CSMD1: variants seen among roughly 807,000 people sequenced by gnomAD.
CSMD1 encodes the protein CUB and Sushi multiple domains 1.
A neutral mutation model predicts 417.5 loss-of-function variants in CSMD1; 213 were observed. The observed-to-expected ratio is 0.51, with a 90% CI of 0.46 to 0.57. The LOEUF is 0.57. Ranked by LOEUF, CSMD1 falls within the 20% of genes least tolerant of loss-of-function variation. The pLI is 0.00. For missense variants in CSMD1, 6,923 were observed against 4,529.7 expected (o/e 1.53, Z -15.17); for synonymous variants, 2,862 against 1,736.8 (o/e 1.65, Z -16.11).
At chr8:4,654,770 T>G (rs1488585231) in intron 1 of CSMD1, among the ~76,000 whole-genome samples, 3 of 152,100 alleles carry the variant, frequency 2.0e-5, no homozygotes, top group Non-Finnish European at 4.4e-5. Flanking sequence ...TTTGGGTCCC[T>G]TCTGTGTACA....
intron 18 of CSMD1, among the ~76,000 whole-genome samples, chr8:3,378,436 G>A (rs895704994): frequency 6.6e-6 from 1 of 151,874 alleles, no homozygotes. Context: ...CCTGGCAAAG[G>A]CACAGCAAAA....
chr8:4,721,274 C>A (rs576870001), intron 1 of CSMD1, among the ~76,000 whole-genome samples: 1 of 152,190 alleles, frequency 6.6e-6, no homozygotes, highest in African/African-American at 2.4e-5. Flanking sequence ...TCATGTTTAA[C>A]ATATAGAAAG....
intron 1 of CSMD1, among the ~76,000 whole-genome samples, chr8:4,912,803 G>GA (rs954291934): frequency 6.6e-6 from 1 of 151,366 alleles, no homozygotes; most frequent in East Asian, 1.9e-4. Flanking sequence ...TTTGGAGGGG[G>GA]GGCACAGAGT....
intron 1 of CSMD1, among the ~76,000 whole-genome samples, chr8:4,655,579 T>C (rs948837729): frequency 1.3e-5 from 2 of 152,090 alleles, no homozygotes; most frequent in South Asian, 4.1e-4. Context: ...GAATTACTTA[T>C]TTTTCAAAAA....
chr8:4,339,365 A>C (rs1433821219), intron 3 of CSMD1, among the ~76,000 whole-genome samples: 1 of 152,088 alleles, frequency 6.6e-6, no homozygotes, highest in African/African-American at 2.4e-5. Flanking sequence ...TCAAATAATG[A>C]ATCTATTTTT....
chr8:4,222,896 C>G (rs112426639), intron 3 of CSMD1, among the ~76,000 whole-genome samples: 384 of 151,776 alleles, frequency 2.5e-3, no homozygotes, highest in African/African-American at 9.0e-3. Context: ...AAACTATGGG[C>G]AAGTGAAAGT....
intron 5 of CSMD1, among the ~76,000 whole-genome samples, chr8:3,844,728 G>C (rs921769729): frequency 2.0e-5 from 3 of 152,176 alleles, no homozygotes; most frequent in African/African-American, 7.2e-5. Context: ...CTGAAATACA[G>C]ATCTTCCTTG....
chr8:3,125,526 C>T (rs183423260), intron 41 of CSMD1, among the ~76,000 whole-genome samples: 1 of 152,102 alleles, frequency 6.6e-6, no homozygotes, highest in East Asian at 1.9e-4. Context: ...AAGTTACCTT[C>T]TAGGGTAAAG....
intron 18 of CSMD1, among the ~76,000 whole-genome samples, chr8:3,382,808 T>C (rs978639526): frequency 2.0e-5 from 3 of 151,896 alleles, no homozygotes; most frequent in Non-Finnish European, 4.4e-5. Context: ...TTATTTTACA[T>C]CTTTAATAGA....
At chr8:4,703,236 T>G (rs1324278021) in intron 1 of CSMD1, among the ~76,000 whole-genome samples, 1 of 152,230 alleles carries the variant, frequency 6.6e-6, no homozygotes, top group Non-Finnish European at 1.5e-5. Context: ...AACCAACGGT[T>G]CTCAACCATG....
intron 3 of CSMD1, among the ~76,000 whole-genome samples, chr8:4,077,728 G>A (rs1006470442): frequency 9.2e-5 from 14 of 152,048 alleles, no homozygotes; most frequent in African/African-American, 3.4e-4. Flanking sequence ...TCTCAAATTT[G>A]CTCTTTATTC....
At chr8:3,476,274 T>G (rs1026729346) in intron 11 of CSMD1, among the ~76,000 whole-genome samples, 24 of 152,238 alleles carry the variant, frequency 1.6e-4, no homozygotes, top group African/African-American at 5.8e-4. Flanking sequence ...ATTCCCATGT[T>G]GTTGTGTGTA....
intron 12 of CSMD1, among the ~76,000 whole-genome samples, chr8:3,424,247 C>G (rs1166426701): frequency 1.3e-5 from 2 of 152,076 alleles, no homozygotes; most frequent in African/African-American, 4.8e-5. Flanking sequence ...CACCATGATT[C>G]AATTAGAGTT....
chr8:3,328,379 T>G (rs1313987971), intron 23 of CSMD1, among the ~76,000 whole-genome samples: 1 of 152,214 alleles, frequency 6.6e-6, no homozygotes, highest in African/African-American at 2.4e-5. Context: ...TAAGTGACTT[T>G]TACAGTTTAT....
chr8:3,522,384 T>C (rs570902082), intron 10 of CSMD1, among the ~76,000 whole-genome samples: 6 of 152,336 alleles, frequency 3.9e-5, no homozygotes, highest in Non-Finnish European at 5.9e-5. Flanking sequence ...AGTATAAAAA[T>C]ATATATTGTT....
At chr8:3,514,341 CTGG>C (rs1563111280) in intron 10 of CSMD1, among the ~76,000 whole-genome samples, 1 of 152,148 alleles carries the variant, frequency 6.6e-6, no homozygotes, top group African/African-American at 2.4e-5. Context: ...GCTGATCTCC[CTGG>C]TGATGTTGTA....
At chr8:4,610,206 T>A (rs962221395) in intron 2 of CSMD1, among the ~76,000 whole-genome samples, 2 of 152,116 alleles carry the variant, frequency 1.3e-5, no homozygotes, top group Non-Finnish European at 2.9e-5. Context: ...AAACAAGACT[T>A]GGGGATACAG....
intron 51 of CSMD1, among the ~76,000 whole-genome samples, chr8:3,024,132 G>GGT (rs56148945): frequency 1.0e-3 from 152 of 151,120 alleles, no homozygotes; most frequent in Non-Finnish European, 1.7e-3. Flanking sequence ...TTCATGGTGT[G>GGT]GTGTGTGTGT....
chr8:3,949,289 G>C (rs1049967693), intron 5 of CSMD1, among the ~76,000 whole-genome samples: 5 of 152,062 alleles, frequency 3.3e-5, no homozygotes, highest in African/African-American at 1.2e-4. Flanking sequence ...GTACAATGGA[G>C]CTCTTAAACT....
Sources: gnomAD v4.1 joint callset for allele counts (sites outside exome capture counted in the v4.1 genomes callset) on GRCh38, gnomAD v4.1.1 for gene constraint, MANE v1.5 for transcripts, NCBI Gene and HGNC (gene_info 2026-07-23, HGNC 2026-07-21) for gene names.